The following PDCD2L variants were observed in gnomAD, a reference collection of about 807,000 sequenced individuals.
PDCD2L encodes programmed cell death 2 like.
PDCD2L carries 44 observed loss-of-function variants against 40.4 expected under a neutral mutation model. That is an observed-to-expected ratio of 1.09 (90% CI 0.86 to 1.40). PDCD2L has a LOEUF of 1.40. Among genes scored for constraint, PDCD2L ranks in the 40% most tolerant of loss-of-function variants. The pLI is 0.00. For missense variants in PDCD2L, 470 were observed against 453.7 expected, an observed-to-expected ratio of 1.04 and a Z score of -0.33; for synonymous variants, 194 against 174.6, an observed-to-expected ratio of 1.11 and a Z score of -0.88.
Position 34,421,611 on chromosome 19 carries a change from T to C in PDCD2L, c.890T>C (p.Ile297Thr), listed in dbSNP as rs769349080. The C allele has an allele frequency of 2.5e-6, 4 of 1,614,008 alleles. No homozygotes were observed. In the South Asian group the frequency reaches 3.3e-5, roughly 13 times the overall value. ...PACSQCGGQR[I>T]FEFQLMPALV... ...TGCAGCCAGTGTGGAGGCCAAAGGA[T>C]ATTTGAGTTTCAGCTTATGCCAGCA... is the stretch of plus-strand genomic sequence containing the variant. Residue 297 changes from isoleucine (I) to threonine (T), a missense_variant, in exon 6 of 7, where the codon ATA (isoleucine) becomes ACA (threonine). Coordinates refer to ENST00000246535, the MANE Select transcript of PDCD2L (RefSeq NM_032346.2).
Position 34,404,758 on chromosome 19 carries a change from G to C in PDCD2L, c.218G>C (p.Arg73Pro). The change falls in exon 2 of 7, where the codon CGT becomes CCT. Residue 73 changes from arginine to proline, a missense_variant. Physicochemically the swap from Arg to Pro is moderately radical, Grantham distance 103 (BLOSUM62 -2). Coordinates refer to ENST00000246535, the MANE Select transcript of PDCD2L (RefSeq NM_032346.2). ...CCGCTGGAAGGCTCCCCGTTTCACC[G>C]TCTGCTGCACGTGTTCGCGTGCGCC... ...YCPLEGSPFH[R>P]LLHVFACACP... is the part of the protein sequence containing the mutation. 2 of 1,610,990 alleles carry C rather than the reference G, an allele frequency of 1.2e-6. No homozygotes were observed. Among genetic ancestry groups the C allele is most frequent in the Non-Finnish European group, 1.7e-6 (2 of 1,179,482 alleles).
intron 5 of PDCD2L, among the ~76,000 whole-genome samples, chr19:34,414,851 C>G (rs567827978): frequency 4.0e-5 from 6 of 150,888 alleles, no homozygotes; most frequent in African/African-American, 1.2e-4. Context: ...TGTTGTCCAC[C>G]CTGGAGTGCA....
chr19:34,414,822 TAGAG>T (rs1399660344), intron 5 of PDCD2L, among the ~76,000 whole-genome samples: 1 of 151,986 alleles, frequency 6.6e-6, no homozygotes, highest in Non-Finnish European at 1.5e-5. Flanking sequence ...AATATTTTTT[TAGAG>T]AGAGGGTCTC....
chr19:34,419,352 G>T (rs542254494), intron 5 of PDCD2L, among the ~76,000 whole-genome samples: 1 of 152,056 alleles, frequency 6.6e-6, no homozygotes, highest in East Asian at 1.9e-4. Context: ...GACAGGTTTC[G>T]CTATGTTGGC....
intron 6 of PDCD2L, chr19:34,421,980 T>G: frequency 5.8e-6 from 1 of 173,032 alleles, no homozygotes; most frequent in Non-Finnish European, 1.2e-5. Flanking sequence ...CCCAGCTCCT[T>G]GGGAGGTTGA....
At chr19:34,413,711 A>G (rs753179780) in intron 4 of PDCD2L, 26 bp from the exon 5 acceptor site, 1 of 1,317,494 alleles carries the variant, frequency 7.6e-7, no homozygotes, top group East Asian at 2.3e-5. Flanking sequence ...TAGACATTCA[A>G]AAGTGTTTTC....
In PDCD2L at chr19:34,416,019, C is replaced by T. The variant is rs555295117; in HGVS notation, c.797+2172C>T. ...CACTGCAACCTCCATTTTCTGGGTT[C>T]AAGCAATTCTCCTGTCTCAGCCTCC... On this transcript the variant is annotated intron_variant, in intron 5 of 6. Coordinates refer to ENST00000246535, the MANE Select transcript of PDCD2L (RefSeq NM_032346.2). Among the ~76,000 whole-genome samples, 4 of 152,334 alleles carry T rather than the reference C, an allele frequency of 2.6e-5. No homozygotes were observed. In the East Asian group the frequency reaches 5.8e-4, roughly 22 times the overall value.
intron 4 of PDCD2L, 86 bp from the exon 5 acceptor site, chr19:34,413,651 A>T: frequency 2.2e-6 from 2 of 893,556 alleles, no homozygotes; most frequent in Non-Finnish European, 3.5e-6. Flanking sequence ...AAAATTTTTT[A>T]AAAGAAAATT....
At position 34,409,432 on chromosome 19, in the gene PDCD2L, A is replaced by G. The variant is rs2075092364; in HGVS notation, c.608A>G (p.Asn203Ser). 6.2e-7 allele frequency: 1 copy of G among 1,614,082 alleles called. No homozygotes were observed. The highest frequency in any genetic ancestry group is 1.7e-5 in the Admixed American group (1 of 60,000). ...GAGGATGATTACAGGGACTTTGTCA[A>G]CCTGGATCATGCCCACAGCCTTCTG... ...ADEDDYRDFV[N>S]LDHAHSLLRD... Residue 203 changes from asparagine to serine, a missense_variant, in exon 4 of 7, where the codon AAC (asparagine) becomes AGC (serine). Asn to Ser is a conservative substitution (Grantham distance 46). Coordinates refer to ENST00000246535, the MANE Select transcript of PDCD2L (RefSeq NM_032346.2).
rs1044240151 is a variant in PDCD2L at position 34,415,206 on chromosome 19, C to T, written c.797+1359C>T. ...CGTGATCCTGGCTCACTGCAATCTCCGCCTCCCAAGTTTAAGAGTCTCCTG... is the reference window on the plus strand; with the variant it reads ...CGTGATCCTGGCTCACTGCAATCTCTGCCTCCCAAGTTTAAGAGTCTCCTG... On this transcript the variant is annotated intron_variant, in intron 5 of 6. Transcript: ENST00000246535. 9.9e-5 allele frequency among the ~76,000 whole-genome samples: 15 copies of T among 152,218 alleles called. No homozygotes were observed. In the East Asian group the frequency reaches 2.1e-3, roughly 22 times the overall value.
chr19:34,413,824 T>C lies in PDCD2L; in HGVS notation c.774T>C (p.Ala258=). Residue 258 remains alanine (A), a synonymous_variant, in exon 5 of 7, where the codon GCT becomes GCC. Transcript: ENST00000246535. ...QTFYKFMKRI[A]ACQEQILRYS... ...TTTACAAATTCATGAAGCGAATTGC[T>C]GCTTGTCAGGAGCAGATTTTGAGGT... The C allele has an allele frequency of 6.2e-7, 1 of 1,602,040 alleles. No homozygotes were observed. Among genetic ancestry groups the C allele is most frequent in the Non-Finnish European group, 8.5e-7 (1 of 1,170,932 alleles).
chr19:34,418,480 C>T (rs1290770663), intron 5 of PDCD2L, among the ~76,000 whole-genome samples: 1 of 152,162 alleles, frequency 6.6e-6, no homozygotes, highest in Non-Finnish European at 1.5e-5. Context: ...CTTTTGACCG[C>T]TGTGTCGTAT....
chr19:34,414,661 G>A (rs1010048852), intron 5 of PDCD2L, among the ~76,000 whole-genome samples: 13 of 150,340 alleles, frequency 8.6e-5, no homozygotes, highest in African/African-American at 3.2e-4. Flanking sequence ...ACTAATTTTT[G>A]TATATTTTTT....
At chr19:34,408,031 C>A (rs961373626) in intron 3 of PDCD2L, among the ~76,000 whole-genome samples, 3 of 151,998 alleles carry the variant, frequency 2.0e-5, no homozygotes, top group Non-Finnish European at 4.4e-5. Context: ...CGTCAGCCTC[C>A]TGAGTAGATG....
Position 34,426,061 on chromosome 19 carries a change from A to C in PDCD2L, c.1018A>C (p.Thr340Pro), listed in dbSNP as rs772692345. The change falls in exon 7 of 7, where the codon ACT becomes CCT. Residue 340 changes from threonine to proline, a missense_variant. Thr to Pro is a conservative substitution (Grantham distance 38). Transcript: ENST00000246535. Reference sequence around the variant, plus strand: ...GAGTTGCTGGCCCCCAAATCATCAGACTCCCATGGAAGAATTTTGTATTAT... The same window carrying C: ...GAGTTGCTGGCCCCCAAATCATCAGCCTCCCATGGAAGAATTTTGTATTAT... ...EKSCWPPNHQTPMEEFCIIQE... is the reference protein window; with the variant it reads ...EKSCWPPNHQPPMEEFCIIQE... 4 of 1,608,398 alleles carry C rather than the reference A, an allele frequency of 2.5e-6. No homozygotes were observed. In the Admixed American group the frequency reaches 6.7e-5, roughly 27 times the overall value.
chr19:34,406,926 G>A (rs1568357290), intron 3 of PDCD2L, among the ~76,000 whole-genome samples: 3 of 140,772 alleles, frequency 2.1e-5, no homozygotes, highest in Non-Finnish European at 4.5e-5. Context: ...TCCACCTCCC[G>A]GATGCAAGCG....
chr19:34,422,554 C>G (rs1019222403), intron 6 of PDCD2L, among the ~76,000 whole-genome samples: 12 of 151,886 alleles, frequency 7.9e-5, no homozygotes, highest in African/African-American at 2.9e-4. Context: ...GACATAAAGA[C>G]AAATAGCAAG....
intron 6 of PDCD2L, among the ~76,000 whole-genome samples, chr19:34,423,630 GAT>G (rs2075163128): frequency 6.6e-6 from 1 of 151,546 alleles, no homozygotes; most frequent in African/African-American, 2.4e-5. Flanking sequence ...GAGTAGCTGG[GAT>G]TACAGGCGCC....
chr19:34,410,629 A>G (rs2075097786), intron 4 of PDCD2L, among the ~76,000 whole-genome samples: 1 of 152,118 alleles, frequency 6.6e-6, no homozygotes, highest in Non-Finnish European at 1.5e-5. Context: ...ATTTGGAGAA[A>G]TGGCCTGGTT....
Sources: allele counts gnomAD v4.1 joint callset (sites outside exome capture counted in the v4.1 genomes callset), GRCh38; gene constraint gnomAD v4.1.1; transcripts MANE v1.5; gene names NCBI Gene and HGNC (gene_info 2026-07-23, HGNC 2026-07-21).